The following GPR176 variants were observed in gnomAD, a reference collection of about 807,000 sequenced individuals.
The protein encoded by GPR176 is G-protein coupled receptor 176.
In GPR176, 26 loss-of-function variants were observed where a neutral mutation model predicts 35.4. That is an observed-to-expected ratio of 0.74 (90% CI 0.54 to 1.02). The LOEUF is 1.02. Ranked by LOEUF, GPR176 falls within the 50% of genes least tolerant of loss-of-function variation. The pLI is 0.00. For missense variants in GPR176, 597 were observed against 665.3 expected (o/e 0.90, Z 1.13); for synonymous variants, 278 against 271.3 (o/e 1.02, Z -0.24).
chr15:39,889,833 G>A (rs1215554192), intron 1 of GPR176, among the ~76,000 whole-genome samples: 1 of 152,128 alleles, frequency 6.6e-6, no homozygotes, highest in Non-Finnish European at 1.5e-5. Context: ...TAGAATGAAT[G>A]TATGCACAAA....
intron 1 of GPR176, among the ~76,000 whole-genome samples, chr15:39,907,081 T>C (rs144157258): frequency 6.6e-6 from 1 of 152,328 alleles, no homozygotes; most frequent in Non-Finnish European, 1.5e-5. Flanking sequence ...ACATTTGAGC[T>C]GCAATTTAAA....
intron 1 of GPR176, among the ~76,000 whole-genome samples, chr15:39,860,337 G>C (rs1320669740): frequency 6.6e-6 from 1 of 152,208 alleles, no homozygotes; most frequent in Non-Finnish European, 1.5e-5. Flanking sequence ...CTGGGAAAAA[G>C]CACATTCCTC....
chr15:39,863,559 A>C (rs2031701635), intron 1 of GPR176, among the ~76,000 whole-genome samples: 1 of 152,148 alleles, frequency 6.6e-6, no homozygotes, highest in Non-Finnish European at 1.5e-5. Context: ...AAGAAAGAAC[A>C]TTTCAAAAAT....
At chr15:39,891,673 CAGA>C (rs2032877608) in intron 1 of GPR176, among the ~76,000 whole-genome samples, 1 of 152,032 alleles carries the variant, frequency 6.6e-6, no homozygotes, top group South Asian at 2.1e-4. Flanking sequence ...AGACGGGCAC[CAGA>C]ATGAAACTAA....
chr15:39,864,652 C>T (rs1462191915), intron 1 of GPR176, among the ~76,000 whole-genome samples: 1 of 151,956 alleles, frequency 6.6e-6, no homozygotes, highest in Non-Finnish European at 1.5e-5. Context: ...TCACGACTAA[C>T]ACCTCAAAAG....
In GPR176 at chr15:39,913,863, G is replaced by A. The variant is rs142398857; in HGVS notation, c.172+5992C>T. Among the ~76,000 whole-genome samples the A allele has an allele frequency of 8.4e-3, 1,272 of 152,220 alleles. 21 individuals are homozygous for A. Among genetic ancestry groups the A allele is most frequent in the African/African-American group, 0.029 (1,202 of 41,536 alleles). On this transcript the variant is annotated intron_variant, in intron 1 of 2. Coordinates refer to ENST00000561100, the MANE Select transcript of GPR176 (RefSeq NM_007223.3). ...AGATCAAGACCATCCTGGCTAACAC[G>A]GTGAAACCCTGTCTCTACTAAAAAT... is the stretch of plus-strand genomic sequence containing the variant.
chr15:39,906,272 C>T (rs1017309570), intron 1 of GPR176, among the ~76,000 whole-genome samples: 3 of 152,156 alleles, frequency 2.0e-5, no homozygotes, highest in African/African-American at 2.4e-5. Context: ...TGTTTTCAGC[C>T]CTTTTTCCAC....
intron 1 of GPR176, among the ~76,000 whole-genome samples, chr15:39,854,863 A>G (rs1440883561): frequency 6.6e-6 from 1 of 151,920 alleles, no homozygotes; most frequent in East Asian, 1.9e-4. Context: ...ATAGTAAGAC[A>G]TCCCCCCACC....
At chr15:39,857,297 C>G (rs986708608) in intron 1 of GPR176, among the ~76,000 whole-genome samples, 4 of 152,034 alleles carry the variant, frequency 2.6e-5, no homozygotes, top group Admixed American at 2.6e-4. Context: ...TCCCCCTGCC[C>G]CAAATACAAA....
intron 1 of GPR176, among the ~76,000 whole-genome samples, chr15:39,811,713 A>T (rs11070234): frequency 3.3e-5 from 5 of 151,894 alleles, no homozygotes; most frequent in African/African-American, 9.7e-5. Context: ...TCAGGAGATC[A>T]AGACCATCCT....
chr15:39,914,573 G>A (rs1198179045), intron 1 of GPR176, among the ~76,000 whole-genome samples: 2 of 152,118 alleles, frequency 1.3e-5, no homozygotes, highest in Non-Finnish European at 2.9e-5. Flanking sequence ...GCCTCCCAAA[G>A]TGCTGGGATT....
intron 1 of GPR176, among the ~76,000 whole-genome samples, chr15:39,809,710 A>G (rs1280637310): frequency 1.3e-5 from 2 of 152,182 alleles, no homozygotes; most frequent in African/African-American, 4.8e-5. Flanking sequence ...GGACACAGCA[A>G]CACAATTAGG....
chr15:39,919,788 G>A lies in GPR176; in HGVS notation c.172+67C>T, dbSNP rs551779445. 888 of 1,274,204 alleles carry A rather than the reference G, an allele frequency of 7.0e-4. 13 individuals are homozygous for A. Among genetic ancestry groups the A allele is most frequent in the South Asian group, 3.5e-3 (167 of 47,326 alleles). The allele number at this position is 1,274,204 out of a possible 1,614,324, so 78.9% of individuals were successfully genotyped here. A position where few individuals can be genotyped will look rare whatever the true frequency, so the allele number is the denominator to read the frequency against. On this transcript the variant is annotated intron_variant, in intron 1 of 2. Transcript: ENST00000561100. ...AAACCCACGGCGGCTGGGCGGCCCT[G>A]CTCCCGGCTCTCCGAGCCTGTACCC...
intron 1 of GPR176, among the ~76,000 whole-genome samples, chr15:39,868,784 G>A (rs78998865): frequency 0.034 from 5,110 of 152,248 alleles, 133 homozygotes; most frequent in Non-Finnish European, 0.055. Context: ...TCCTTGTGCA[G>A]GGGCTACCTG....
chr15:39,873,702 G>A (rs946020578), intron 1 of GPR176, among the ~76,000 whole-genome samples: 1 of 150,710 alleles, frequency 6.6e-6, no homozygotes, highest in African/African-American at 2.4e-5. Context: ...GACCAACCAA[G>A]TGGGAGACAC....
intron 1 of GPR176, among the ~76,000 whole-genome samples, chr15:39,809,908 G>A (rs1180313951): frequency 2.0e-5 from 3 of 152,174 alleles, no homozygotes; most frequent in African/African-American, 7.2e-5. Context: ...CACTTTGGGA[G>A]GCTGAGGCGG....
At chr15:39,881,484 G>T (rs2032473277) in intron 1 of GPR176, among the ~76,000 whole-genome samples, 1 of 152,168 alleles carries the variant, frequency 6.6e-6, no homozygotes, top group Non-Finnish European at 1.5e-5. Flanking sequence ...GAGAGAAATT[G>T]TTTTATTCCC....
intron 1 of GPR176, among the ~76,000 whole-genome samples, chr15:39,914,608 C>T (rs2033678617): frequency 6.6e-6 from 1 of 152,170 alleles, no homozygotes; most frequent in Non-Finnish European, 1.5e-5. Flanking sequence ...CCACACCTGG[C>T]CCAGGATACC....
intron 1 of GPR176, among the ~76,000 whole-genome samples, chr15:39,875,408 A>G (rs774329419): frequency 1.5e-4 from 23 of 152,238 alleles, no homozygotes; most frequent in Non-Finnish European, 2.9e-5. Context: ...TTGTCTTTGC[A>G]GAATCCATGC....
Sources: allele counts gnomAD v4.1 joint callset (sites outside exome capture counted in the v4.1 genomes callset), GRCh38; gene constraint gnomAD v4.1.1; transcripts MANE v1.5; gene names NCBI Gene and HGNC (gene_info 2026-07-23, HGNC 2026-07-21).